Variants in ABHD3 observed in about 807,000 individuals in gnomAD.
The protein encoded by ABHD3 is abhydrolase domain containing 3, phospholipase, also known as phospholipase ABHD3.
Under a neutral mutation model 48.8 loss-of-function variants are expected in ABHD3, and 46 were observed. That is an observed-to-expected ratio of 0.94 (90% CI 0.74 to 1.20). ABHD3 has a LOEUF of 1.20. ABHD3 is among the 50% of genes most tolerant of loss of function. The pLI is 0.00. For synonymous variants in ABHD3, 192 were observed against 183.7 expected, an observed-to-expected ratio of 1.04 and a Z score of -0.36; for missense variants, 490 against 497.8, an observed-to-expected ratio of 0.98 and a Z score of 0.15.
intron 2 of ABHD3, 135 bp downstream of exon 2, chr18:21,703,449 T>C: frequency 9.3e-7 from 1 of 1,078,634 alleles, no homozygotes; most frequent in East Asian, 2.6e-5. Context: ...GGACGTACCT[T>C]CCATTTTCAT....
intron 4 of ABHD3, among the ~76,000 whole-genome samples, chr18:21,665,393 C>A (rs2039599197): frequency 6.6e-6 from 1 of 152,050 alleles, no homozygotes; most frequent in Non-Finnish European, 1.5e-5. Flanking sequence ...GCATGCACCA[C>A]CATGCCTGGC....
Position 21,657,015 on chromosome 18 carries a change from G to A in ABHD3, c.903C>T (p.Ile301=). The A allele has an allele frequency of 1.9e-6, 3 of 1,614,000 alleles. No individual in the cohort carries two copies. Among genetic ancestry groups the A allele is most frequent in the African/African-American group, 1.3e-5 (1 of 75,018 alleles). Reference sequence around the variant, plus strand: ...AAGTGAATCGCTTATCAAACTCTCTGATGGATTTAGCCTGAAACACAAAAA... The same window carrying A: ...AAGTGAATCGCTTATCAAACTCTCTAATGGATTTAGCCTGAAACACAAAAA... The part of the protein sequence containing the change: ...DMDHVMKAKS[I]REFDKRFTSV... Residue 301 remains isoleucine, a synonymous_variant, in exon 8 of 9, where the codon ATC becomes ATT. Coordinates refer to ENST00000289119, the MANE Select transcript of ABHD3 (RefSeq NM_138340.5).
chr18:21,685,987 C>T lies in ABHD3; in HGVS notation c.510-2022G>A, dbSNP rs554728948. Among the ~76,000 whole-genome samples, 47 of 152,230 alleles carry T rather than the reference C, an allele frequency of 3.1e-4. 1 individual carries two copies. The highest frequency in any genetic ancestry group is 9.1e-4 in the Admixed American group (14 of 15,302). ...TGTTGGGATTACAGGCGTGAGCCAC[C>T]GTGCCCGGCCAGCCTGGCTAATTTT... On this transcript the variant is annotated intron_variant, in intron 3 of 8. Transcript: ENST00000289119.
At chr18:21,687,737 T>TA (rs1393272981) in intron 3 of ABHD3, among the ~76,000 whole-genome samples, 8 of 152,116 alleles carry the variant, frequency 5.3e-5, no homozygotes, top group Non-Finnish European at 1.0e-4. Flanking sequence ...GATAACCCAT[T>TA]AACCAGGGAA....
intron 4 of ABHD3, among the ~76,000 whole-genome samples, chr18:21,680,016 CTT>C (rs1437953356): frequency 1.3e-5 from 2 of 150,568 alleles, no homozygotes; most frequent in African/African-American, 4.9e-5. Context: ...TTTATTATTT[CTT>C]TTTGTTTGTT....
intron 3 of ABHD3, among the ~76,000 whole-genome samples, chr18:21,692,692 A>G (rs75611088): frequency 2.5e-4 from 38 of 152,304 alleles, no homozygotes; most frequent in African/African-American, 9.1e-4. Context: ...ATCTTATTCT[A>G]TTTTATTGCA....
chr18:21,655,252 G>A (rs1211114707), intron 8 of ABHD3, among the ~76,000 whole-genome samples: 2 of 148,330 alleles, frequency 1.3e-5, no homozygotes, highest in African/African-American at 5.0e-5. Flanking sequence ...GGGGAAAATG[G>A]TTTTAATGCA....
At chr18:21,699,313 G>T (rs561447463) in intron 3 of ABHD3, among the ~76,000 whole-genome samples, 1 of 152,124 alleles carries the variant, frequency 6.6e-6, no homozygotes, top group Non-Finnish European at 1.5e-5. Context: ...GTGGCAGTTC[G>T]AACATTTGAA....
chr18:21,655,533 C>G (rs576539449), intron 8 of ABHD3, among the ~76,000 whole-genome samples: 8 of 152,158 alleles, frequency 5.3e-5, no homozygotes, highest in South Asian at 4.2e-4. Context: ...TTTCATATTT[C>G]TTGACTTAAG....
chr18:21,686,548 T>C (rs2040132578), intron 3 of ABHD3, among the ~76,000 whole-genome samples: 1 of 152,172 alleles, frequency 6.6e-6, no homozygotes, highest in East Asian at 1.9e-4. Context: ...AGTGGGATAT[T>C]TGCACTTTCC....
intron 4 of ABHD3, among the ~76,000 whole-genome samples, chr18:21,675,713 A>G (rs1054458493): frequency 1.3e-5 from 2 of 152,160 alleles, no homozygotes; most frequent in Non-Finnish European, 1.5e-5. Flanking sequence ...GCGATGAGGG[A>G]AAAAAAGTCA....
At chr18:21,658,738 G>T (rs570652895) in intron 6 of ABHD3, among the ~76,000 whole-genome samples, 1 of 151,872 alleles carries the variant, frequency 6.6e-6, no homozygotes, top group African/African-American at 2.4e-5. Context: ...TTTTGGTACA[G>T]TAGTAAATTT....
chr18:21,696,974 G>GC (rs2040384534), intron 3 of ABHD3, among the ~76,000 whole-genome samples: 2 of 152,030 alleles, frequency 1.3e-5, no homozygotes, highest in South Asian at 4.1e-4. Context: ...CCTCTTGCGG[G>GC]CAGGAACTAT....
intron 4 of ABHD3, among the ~76,000 whole-genome samples, chr18:21,666,577 G>T (rs1039836968): frequency 6.6e-6 from 1 of 152,130 alleles, no homozygotes; most frequent in Non-Finnish European, 1.5e-5. Flanking sequence ...TGATCTACCC[G>T]CCCTGGTTTC....
intron 3 of ABHD3, among the ~76,000 whole-genome samples, chr18:21,684,295 A>T (rs1331195510): frequency 6.7e-6 from 1 of 149,954 alleles, no homozygotes; most frequent in African/African-American, 2.5e-5. Flanking sequence ...ATACAAGTCA[A>T]ATTTAAATGT....
chr18:21,664,355 G>A (rs944727523), intron 4 of ABHD3, 125 bp from the exon 5 acceptor site: 2 of 819,462 alleles, frequency 2.4e-6, no homozygotes, highest in Admixed American at 3.0e-5. Flanking sequence ...TGCACATACT[G>A]TAGTATTAAT....
intron 4 of ABHD3, 180 bp from the exon 5 acceptor site, chr18:21,664,410 A>G (rs1397148120): frequency 1.8e-6 from 1 of 571,392 alleles, no homozygotes; most frequent in Non-Finnish European, 2.9e-6. Context: ...ATGCCATTTA[A>G]AGTCAGCACA....
At chr18:21,698,311 A>T (rs1180484393) in intron 3 of ABHD3, among the ~76,000 whole-genome samples, 1 of 151,250 alleles carries the variant, frequency 6.6e-6, no homozygotes, top group African/African-American at 2.4e-5. Context: ...TCAGTCTCCC[A>T]AGTTGCTGGG....
At position 21,684,575 on chromosome 18, in the gene ABHD3, G is replaced by A. The variant is rs141607953; in HGVS notation, c.510-610C>T. Among the ~76,000 whole-genome samples the A allele has an allele frequency of 9.2e-3, 1,397 of 151,890 alleles. 25 individuals carry two copies. Among genetic ancestry groups the A allele is most frequent in the African/African-American group, 0.032 (1,306 of 41,424 alleles). ...TGACCTCAGGTGATACGCCCACCTC[G>A]GCCTCCCAAAGTGCTGGGATTACAG... On this transcript the variant is annotated intron_variant, in intron 3 of 8. Transcript: ENST00000289119.
Sources: allele counts gnomAD v4.1 joint callset (sites outside exome capture counted in the v4.1 genomes callset), GRCh38; gene constraint gnomAD v4.1.1; transcripts MANE v1.5; gene names NCBI Gene and HGNC (gene_info 2026-07-23, HGNC 2026-07-21).